Variants in NSD3 observed in about 807,000 individuals in gnomAD.
NSD3 encodes the protein histone-lysine N-methyltransferase NSD3.
A neutral mutation model predicts 160.8 loss-of-function variants in NSD3; 24 were observed. That is an observed-to-expected ratio of 0.15 (90% confidence interval 0.11 to 0.21). The LOEUF is 0.21. Among genes scored for constraint, NSD3 ranks in the 10% least tolerant of loss-of-function variants. The pLI is 1.00. For synonymous variants in NSD3, 520 were observed against 600.0 expected, an observed-to-expected ratio of 0.87 and a Z score of 1.95; for missense variants, 1,157 against 1,735.9, an observed-to-expected ratio of 0.67 and a Z score of 5.93.
At chr8:38,326,948 A>C in intron 6 of NSD3, 92 bp from the exon 7 acceptor site, 1 of 1,374,760 alleles carries the variant, frequency 7.3e-7, no homozygotes, top group Non-Finnish European at 9.7e-7. Flanking sequence ...AAATGATCAT[A>C]ATTTGCTTAA....
chr8:38,295,973 TTAA>T (rs1369052716), intron 15 of NSD3, 21 bp from the exon 16 acceptor site: 8 of 1,587,058 alleles, frequency 5.0e-6, no homozygotes, highest in Non-Finnish European at 6.8e-6. Context: ...ATAAACAGTC[TTAA>T]TAACTGAGAA....
At chr8:38,303,486 A>T in intron 14 of NSD3, 1 of 717,252 alleles carries the variant, frequency 1.4e-6, no homozygotes. Flanking sequence ...AGTAGTGTCT[A>T]CTACAGACCC....
chr8:38,294,073 A>C (rs971056754), intron 16 of NSD3, among the ~76,000 whole-genome samples: 3 of 149,534 alleles, frequency 2.0e-5, no homozygotes, highest in Admixed American at 1.3e-4. Context: ...AGAGTTTTTT[A>C]GTTTAATTGT....
intron 16 of NSD3, among the ~76,000 whole-genome samples, chr8:38,295,340 T>C (rs1447101578): frequency 2.0e-5 from 3 of 152,028 alleles, no homozygotes; most frequent in African/African-American, 4.8e-5. Flanking sequence ...GGTGGGCAGA[T>C]TGCTTGACTC....
At chr8:38,353,208 GGTCT>G (rs749682194) in intron 1 of NSD3, among the ~76,000 whole-genome samples, 4 of 152,084 alleles carry the variant, frequency 2.6e-5, no homozygotes, top group Non-Finnish European at 5.9e-5. Flanking sequence ...GCAGTTCCAG[GGTCT>G]GTGCTCTTGA....
At chr8:38,298,572 A>G (rs1809209957) in intron 15 of NSD3, among the ~76,000 whole-genome samples, 5 of 151,920 alleles carry the variant, frequency 3.3e-5, no homozygotes, top group Admixed American at 1.3e-4. Context: ...AGAGTATATT[A>G]GTTATGAATG....
At chr8:38,342,643 C>T (rs1052484624) in intron 2 of NSD3, among the ~76,000 whole-genome samples, 41 of 151,836 alleles carry the variant, frequency 2.7e-4, no homozygotes, top group African/African-American at 9.7e-4. Flanking sequence ...TCTCGGCTCA[C>T]TACAACCTCT....
At chr8:38,324,334 C>A (rs1360977465) in intron 7 of NSD3, among the ~76,000 whole-genome samples, 2 of 152,208 alleles carry the variant, frequency 1.3e-5, no homozygotes, top group Non-Finnish European at 2.9e-5. Flanking sequence ...ACTGGCATTA[C>A]CTCTCCCTGT....
At position 38,284,932 on chromosome 8, in the gene NSD3, G is replaced by A. The variant is rs954632888; in HGVS notation, c.3502-3349C>T. On this transcript the variant is annotated intron_variant, in intron 19 of 23. Coordinates refer to ENST00000317025, the MANE Select transcript of NSD3 (RefSeq NM_023034.2). ...CAAGTCTCATAAACTTGATACCACT[G>A]TAAATAAAGATGGAAATATTTCAGA... 2.0e-5 allele frequency among the ~76,000 whole-genome samples: 3 copies of A among 152,164 alleles called. No individual in the cohort carries two copies. In the South Asian group the frequency reaches 6.2e-4, roughly 31 times the overall value.
intron 2 of NSD3, among the ~76,000 whole-genome samples, chr8:38,343,980 G>T (rs1485089874): frequency 6.6e-6 from 1 of 152,154 alleles, no homozygotes; most frequent in Non-Finnish European, 1.5e-5. Flanking sequence ...CATGCCTGAG[G>T]CATTCCACCT....
intron 4 of NSD3, among the ~76,000 whole-genome samples, chr8:38,332,736 T>C (rs1235598190): frequency 6.6e-6 from 1 of 152,156 alleles, no homozygotes; most frequent in Non-Finnish European, 1.5e-5. Flanking sequence ...GGGCATTCTT[T>C]TTTTTTTAAA....
At chr8:38,363,152 T>C (rs1811025234) in intron 1 of NSD3, among the ~76,000 whole-genome samples, 1 of 152,242 alleles carries the variant, frequency 6.6e-6, no homozygotes, top group Admixed American at 6.5e-5. Flanking sequence ...TCTTGCTCAC[T>C]GCTGTATCCC....
chr8:38,301,208 C>G (rs1382534720), intron 14 of NSD3, among the ~76,000 whole-genome samples: 2 of 152,134 alleles, frequency 1.3e-5, no homozygotes, highest in Admixed American at 6.5e-5. Context: ...TGGGCTCAAG[C>G]AATCCTCCCA....
intron 1 of NSD3, among the ~76,000 whole-genome samples, chr8:38,363,718 G>A (rs1159127127): frequency 1.3e-5 from 2 of 150,748 alleles, no homozygotes; most frequent in Non-Finnish European, 2.9e-5. Context: ...AGAGCCTCCA[G>A]AAGGAACGCA....
chr8:38,322,643 A>G (rs1382531100), intron 7 of NSD3, among the ~76,000 whole-genome samples: 1 of 152,242 alleles, frequency 6.6e-6, no homozygotes, highest in Non-Finnish European at 1.5e-5. Flanking sequence ...AAAGTTACCC[A>G]AAGAACATAT....
intron 1 of NSD3, among the ~76,000 whole-genome samples, chr8:38,376,498 C>T (rs890321325): frequency 2.6e-5 from 4 of 151,622 alleles, no homozygotes; most frequent in Non-Finnish European, 4.4e-5. Context: ...TGCAATGGCG[C>T]GACCTCAGCT....
At chr8:38,343,951 A>C (rs1180222342) in intron 2 of NSD3, among the ~76,000 whole-genome samples, 1 of 152,172 alleles carries the variant, frequency 6.6e-6, no homozygotes, top group Non-Finnish European at 1.5e-5. Flanking sequence ...GACTGTTTGA[A>C]TAATAGGGCC....
intron 16 of NSD3, among the ~76,000 whole-genome samples, chr8:38,294,866 G>C (rs1040590104): frequency 2.7e-5 from 4 of 150,696 alleles, no homozygotes; most frequent in African/African-American, 7.3e-5. Flanking sequence ...TTTTTTGGCC[G>C]GGCGTGGTGG....
Position 38,288,698 on chromosome 8 carries a change from C to T in NSD3, c.3290G>A (p.Arg1097His). ...TTCATCAGCTGGCTTGCAGTTACAG[C>T]GGGGAATCTCTGACAGGTCAGCAAC... Reference protein sequence around the residue: ...IQVADLSEIPRCNCKPADENP... With the variant: ...IQVADLSEIPHCNCKPADENP... The change falls in exon 19 of 24, where the codon CGC becomes CAC. Residue 1097 changes from arginine (R) to histidine (H), a missense_variant. Coordinates refer to ENST00000317025, the MANE Select transcript of NSD3 (RefSeq NM_023034.2). The surrounding 1 kb of genome is among the most constrained non-coding windows in gnomAD (Gnocchi z 4.5). The T allele has an allele frequency of 2.5e-6, 4 of 1,614,196 alleles. No individual in the cohort carries two copies. Among genetic ancestry groups the T allele is most frequent in the East Asian group, 2.2e-5 (1 of 44,882 alleles).
Sources: allele counts gnomAD v4.1 joint callset (sites outside exome capture counted in the v4.1 genomes callset), GRCh38; gene constraint gnomAD v4.1.1; non-coding constraint Gnocchi (gnomAD v3.1); transcripts MANE v1.5; gene names NCBI Gene and HGNC (gene_info 2026-07-23, HGNC 2026-07-21).